Variants in NDUFA13 observed in about 807,000 individuals in gnomAD.
The protein encoded by NDUFA13 is NADH:ubiquinone oxidoreductase subunit A13, also known as NADH dehydrogenase [ubiquinone] 1 alpha subcomplex subunit 13.
Under a neutral mutation model 17.0 loss-of-function variants are expected in NDUFA13, and 16 were observed. That is an observed-to-expected ratio of 0.94 (90% confidence interval 0.64 to 1.43). NDUFA13 has a LOEUF of 1.43. Ranked by LOEUF, NDUFA13 falls within the 40% of genes most tolerant of loss-of-function variation. The pLI is 0.00. For synonymous variants in NDUFA13, 87 were observed against 78.4 expected (o/e 1.11, Z -0.58); for missense variants, 228 against 206.7 (o/e 1.10, Z -0.63).
At chr19:19,520,834 T>C (rs1318061555) in intron 1 of NDUFA13, among the ~76,000 whole-genome samples, 1 of 152,194 alleles carries the variant, frequency 6.6e-6, no homozygotes, top group Non-Finnish European at 1.5e-5. Context: ...TTCTGGCCAT[T>C]TCCTATCAGT....
At chr19:19,525,017 G>A (rs2061094048) in intron 1 of NDUFA13, among the ~76,000 whole-genome samples, 1 of 152,040 alleles carries the variant, frequency 6.6e-6, no homozygotes, top group Non-Finnish European at 1.5e-5. Flanking sequence ...AGCCTGGGTA[G>A]CAGAGTGAGA....
intron 1 of NDUFA13, 75 bp downstream of exon 1, chr19:19,516,407 C>A (rs2061049028): frequency 2.6e-6 from 4 of 1,515,552 alleles, no homozygotes; most frequent in Non-Finnish European, 2.7e-6. Context: ...GGGACACAGG[C>A]GGGCCTCAGT....
chr19:19,521,074 T>C (rs188628589), intron 1 of NDUFA13, among the ~76,000 whole-genome samples: 8 of 152,352 alleles, frequency 5.3e-5, no homozygotes, highest in Non-Finnish European at 8.8e-5. Flanking sequence ...CTGGATCATA[T>C]GGTAACTTCG....
chr19:19,517,099 A>G (rs1269089003), intron 1 of NDUFA13, among the ~76,000 whole-genome samples: 1 of 151,786 alleles, frequency 6.6e-6, no homozygotes, highest in African/African-American at 2.4e-5. Context: ...AAGTTTTCAA[A>G]TGTTTAAGTA....
intron 2 of NDUFA13, 121 bp from the exon 3 acceptor site, chr19:19,527,160 C>CT: frequency 3.2e-6 from 3 of 940,386 alleles, no homozygotes; most frequent in South Asian, 2.8e-5. Context: ...TGCCCCCTGC[C>CT]TGCCTCCCCG....
At chr19:19,522,496 T>TTTTTTTTTTTTTG (rs2061082473) in intron 1 of NDUFA13, among the ~76,000 whole-genome samples, 1 of 143,278 alleles carries the variant, frequency 7.0e-6, no homozygotes, top group Non-Finnish European at 1.5e-5. Flanking sequence ...TTTTTTTTTT[T>TTTTTTTTTTTTTG]GAGATGGAGC....
At chr19:19,518,652 C>T (rs1209167881) in intron 1 of NDUFA13, among the ~76,000 whole-genome samples, 1 of 151,090 alleles carries the variant, frequency 6.6e-6, no homozygotes, top group Non-Finnish European at 1.5e-5. Flanking sequence ...CAACCTGTGC[C>T]TCCCAGGTTC....
At position 19,526,262 on chromosome 19, in the gene NDUFA13, TAGGGC is replaced by T. The variant is rs781470457; in HGVS notation, c.173+3_173+7del. On this transcript the variant is annotated splice_donor_5th_base_variant and intron_variant, in intron 2 of 4. Coordinates refer to ENST00000507754, the MANE Select transcript of NDUFA13 (RefSeq NM_015965.7). The stretch of plus-strand genomic sequence containing the variant: ...AATGAAGTGGAACCGTGAGCGCAGG[TAGGGC>T]CCCTGGTGGGCGTTGTCTGAAAGTG... The T allele has an allele frequency of 3.1e-6, 5 of 1,614,002 alleles. No homozygotes were observed. The highest frequency in any genetic ancestry group is 4.2e-6 in the Non-Finnish European group (5 of 1,179,988).
intron 1 of NDUFA13, among the ~76,000 whole-genome samples, chr19:19,524,513 G>T (rs969144772): frequency 6.6e-6 from 1 of 152,164 alleles, no homozygotes; most frequent in African/African-American, 2.4e-5. Context: ...TGGGTTCTCT[G>T]TAGCCGTGGA....
chr19:19,524,595 C>A (rs2061092266), intron 1 of NDUFA13, among the ~76,000 whole-genome samples: 1 of 152,126 alleles, frequency 6.6e-6, no homozygotes. Flanking sequence ...ATCATGAGGT[C>A]AGGAGGTCGT....
chr19:19,521,823 C>T (rs1173251672), intron 1 of NDUFA13, among the ~76,000 whole-genome samples: 1 of 149,732 alleles, frequency 6.7e-6, no homozygotes, highest in Non-Finnish European at 1.5e-5. Context: ...AGGATCGTCT[C>T]GATCTCCTGA....
At chr19:19,519,467 C>CT (rs2061066311) in intron 1 of NDUFA13, among the ~76,000 whole-genome samples, 1 of 152,130 alleles carries the variant, frequency 6.6e-6, no homozygotes, top group Non-Finnish European at 1.5e-5. Context: ...ATGGTGTGGA[C>CT]TTTTGTTACA....
chr19:19,523,609 C>A (rs903714990), intron 1 of NDUFA13, among the ~76,000 whole-genome samples: 2 of 152,034 alleles, frequency 1.3e-5, no homozygotes, highest in African/African-American at 4.8e-5. Context: ...CAGATACGTG[C>A]CACCACATCT....
intron 1 of NDUFA13, among the ~76,000 whole-genome samples, chr19:19,522,168 G>A (rs2061080907): frequency 6.6e-6 from 1 of 151,668 alleles, no homozygotes; most frequent in Admixed American, 6.6e-5. Flanking sequence ...AGCTGGGCGC[G>A]GTGGCGGGCA....
intron 1 of NDUFA13, among the ~76,000 whole-genome samples, chr19:19,522,472 T>C (rs1276192830): frequency 1.4e-5 from 2 of 142,096 alleles, no homozygotes; most frequent in East Asian, 3.9e-4. Context: ...CTTAGGTCTT[T>C]GATCCTTTTT....
intron 1 of NDUFA13, among the ~76,000 whole-genome samples, chr19:19,525,708 G>T (rs1426343558): frequency 6.6e-6 from 1 of 152,078 alleles, no homozygotes; most frequent in Admixed American, 6.5e-5. Context: ...TGGGGTGCAG[G>T]GCAGGGGGCT....
At chr19:19,518,633 G>A (rs1472457862) in intron 1 of NDUFA13, among the ~76,000 whole-genome samples, 1 of 150,308 alleles carries the variant, frequency 6.7e-6, no homozygotes, top group African/African-American at 2.4e-5. Flanking sequence ...GCGTGATCTC[G>A]GCTCACTGCA....
chr19:19,516,934 T>C (rs1568356932), intron 1 of NDUFA13, among the ~76,000 whole-genome samples: 1 of 152,070 alleles, frequency 6.6e-6, no homozygotes, highest in Admixed American at 6.5e-5. Context: ...ATTACAGGCA[T>C]GTGCCACAAC....
chr19:19,524,651 C>G (rs543297341), intron 1 of NDUFA13, among the ~76,000 whole-genome samples: 1 of 152,002 alleles, frequency 6.6e-6, no homozygotes, highest in Non-Finnish European at 1.5e-5. Flanking sequence ...ACTAAAAATA[C>G]AAAAATTAGC....
Sources: allele counts gnomAD v4.1 joint callset (sites outside exome capture counted in the v4.1 genomes callset), GRCh38; gene constraint gnomAD v4.1.1; transcripts MANE v1.5; gene names NCBI Gene and HGNC (gene_info 2026-07-23, HGNC 2026-07-21).